The following COPB1 variants were observed in gnomAD, a reference collection of about 807,000 sequenced individuals.
COPB1 encodes the protein coat protein complex I subunit beta 1.
Under a neutral mutation model 108.7 loss-of-function variants are expected in COPB1, and 21 were observed. That is an observed-to-expected ratio of 0.19 (90% CI 0.14 to 0.28). The LOEUF (loss-of-function observed/expected upper bound fraction) is 0.28. Among genes scored for constraint, COPB1 ranks in the 10% least tolerant of loss-of-function variants. The pLI is 1.00. For missense variants in COPB1, 919 were observed against 1,141.3 expected (o/e 0.81, Z 2.81); for synonymous variants, 378 against 386.8 (o/e 0.98, Z 0.27).
intron 6 of COPB1, among the ~76,000 whole-genome samples, chr11:14,487,773 T>G (rs936671723): frequency 1.3e-5 from 2 of 152,202 alleles, no homozygotes; most frequent in Non-Finnish European, 2.9e-5. Flanking sequence ...TACCTTGTGT[T>G]AAGAGGAGCC....
At chr11:14,463,951 C>T (rs987537174) in intron 18 of COPB1, among the ~76,000 whole-genome samples, 2 of 152,148 alleles carry the variant, frequency 1.3e-5, no homozygotes, top group Admixed American at 1.3e-4. Context: ...AATCTTCCTG[C>T]CTCTTCCAAT....
At chr11:14,479,422 T>A (rs1850607837) in intron 11 of COPB1, 147 bp downstream of exon 11, 5 of 621,252 alleles carry the variant, frequency 8.0e-6, no homozygotes, top group Non-Finnish European at 1.3e-5. Flanking sequence ...TAAATGAGAG[T>A]GGAGTTAGCG....
intron 8 of COPB1, among the ~76,000 whole-genome samples, chr11:14,481,976 C>T (rs1850671209): frequency 6.6e-6 from 1 of 151,998 alleles, no homozygotes; most frequent in African/African-American, 2.4e-5. Context: ...TTAATGGAGA[C>T]AGGGAGGGTT....
chr11:14,480,395 A>G (rs945207851), intron 10 of COPB1, among the ~76,000 whole-genome samples: 1 of 152,214 alleles, frequency 6.6e-6, no homozygotes, highest in East Asian at 1.9e-4. Context: ...TATTCTACAT[A>G]TGTGAATTTT....
At chr11:14,499,472 G>A (rs901279713) in intron 1 of COPB1, 5 of 151,472 alleles carry the variant, frequency 3.3e-5, no homozygotes, top group African/African-American at 9.7e-5. Context: ...AGCAGCCCTA[G>A]GCCTGAAAGG....
rs1850967572 is a variant in COPB1, at chr11:14,494,089, C to T, written c.321+121G>A. 1.6e-5 allele frequency: 12 copies of T among 737,368 alleles called. No homozygotes were observed. The South Asian group carries it at 2.4e-4, about 15-fold the overall frequency. The allele number at this position is 737,368 out of a possible 1,614,324, so 45.7% of individuals were successfully genotyped here. A position where few individuals can be genotyped will look rare whatever the true frequency, so the allele number is the denominator to read the frequency against. ...TTTAAAAATAACTCTTTTACAATTCCAAATCTCTACAACTTACATCTTATC... is the reference window on the plus strand; with the variant it reads ...TTTAAAAATAACTCTTTTACAATTCTAAATCTCTACAACTTACATCTTATC... On this transcript the variant is annotated intron_variant, in intron 3 of 21. Coordinates refer to ENST00000439561, the MANE Select transcript of COPB1 (RefSeq NM_001144061.2).
Position 14,468,707 on chromosome 11 carries a change from C to G in COPB1, c.2119G>C (p.Asp707His), listed in dbSNP as rs770815031. Reference protein sequence around the residue: ...MGNTQRKEAADPLASKLNKVT... With the variant: ...MGNTQRKEAAHPLASKLNKVT... The stretch of plus-strand genomic sequence containing the variant: ...TTGTTAAGTTTAGATGCTAGGGGAT[C>G]TGCTGCCTCTTTCCTCTGTGTGTTA... The change falls in exon 16 of 22, where the codon GAT becomes CAT. Residue 707 changes from aspartate (D) to histidine (H), a missense_variant. Physicochemically the swap from Asp to His is moderately conservative, Grantham distance 81. Transcript: ENST00000439561. The G allele has an allele frequency of 6.2e-7, 1 of 1,614,068 alleles. No individual in the cohort carries two copies. Among genetic ancestry groups the G allele is most frequent in the South Asian group, 1.1e-5 (1 of 91,068 alleles).
chr11:14,490,256 T>C (rs1317364099), intron 5 of COPB1, among the ~76,000 whole-genome samples: 1 of 152,198 alleles, frequency 6.6e-6, no homozygotes, highest in Non-Finnish European at 1.5e-5. Flanking sequence ...TTTTCTCTAC[T>C]AAACAATTTT....
intron 11 of COPB1, among the ~76,000 whole-genome samples, chr11:14,477,450 C>T (rs1001586792): frequency 3.4e-5 from 5 of 147,122 alleles, no homozygotes; most frequent in African/African-American, 1.0e-4. Context: ...CTAGCACATT[C>T]GGAGGCTGAG....
intron 16 of COPB1, among the ~76,000 whole-genome samples, chr11:14,468,147 A>T (rs775210615): frequency 6.6e-6 from 1 of 152,168 alleles, no homozygotes; most frequent in Non-Finnish European, 1.5e-5. Context: ...AGTAATTCCA[A>T]TTCTGCTACT....
At chr11:14,490,778 A>C in intron 4 of COPB1, 99 bp from the exon 5 acceptor site, 1 of 678,034 alleles carries the variant, frequency 1.5e-6, no homozygotes, top group Non-Finnish European at 2.4e-6. Flanking sequence ...ATCAAACTTT[A>C]CAACATACTT....
intron 2 of COPB1, among the ~76,000 whole-genome samples, chr11:14,497,851 T>C (rs955809237): frequency 1.3e-5 from 2 of 152,204 alleles, no homozygotes; most frequent in Admixed American, 1.3e-4. Context: ...AATGGAGTAC[T>C]ATTCAGCCAT....
At chr11:14,491,647 C>T (rs898879887) in intron 4 of COPB1, among the ~76,000 whole-genome samples, 2 of 132,594 alleles carry the variant, frequency 1.5e-5, no homozygotes, top group Non-Finnish European at 3.1e-5. Flanking sequence ...CGAGCCTGGG[C>T]GACAAGAGTG....
chr11:14,473,485 C>T (rs1850452892), intron 14 of COPB1, among the ~76,000 whole-genome samples: 1 of 152,046 alleles, frequency 6.6e-6, no homozygotes, highest in Non-Finnish European at 1.5e-5. Flanking sequence ...ACTTAGAAGC[C>T]ACTGTAGGAT....
At chr11:14,468,010 C>T (rs547860995) in intron 16 of COPB1, among the ~76,000 whole-genome samples, 1 of 152,228 alleles carries the variant, frequency 6.6e-6, no homozygotes, top group East Asian at 1.9e-4. Flanking sequence ...CAGAACTGTA[C>T]ACTTACAAAT....
intron 3 of COPB1, 34 bp downstream of exon 3, chr11:14,494,176 A>G (rs907399155): frequency 7.0e-7 from 1 of 1,418,848 alleles, no homozygotes; most frequent in African/African-American, 1.4e-5. Flanking sequence ...TTAAATTCAA[A>G]GCAATATTCA....
At chr11:14,490,814 G>A (rs1850881372) in intron 4 of COPB1, 135 bp from the exon 5 acceptor site, 5 of 565,474 alleles carry the variant, frequency 8.8e-6, no homozygotes, top group Non-Finnish European at 1.5e-5. Flanking sequence ...TTTGGAGACA[G>A]AGTCTCACTC....
At chr11:14,494,142 C>T in intron 3 of COPB1, 68 bp downstream of exon 3, 1 of 1,070,172 alleles carries the variant, frequency 9.3e-7, no homozygotes. Flanking sequence ...AATTAAAACA[C>T]AGCCCATTCT....
chr11:14,490,739 C>T, intron 4 of COPB1, 60 bp from the exon 5 acceptor site: 12 of 868,896 alleles, frequency 1.4e-5, no homozygotes, highest in Non-Finnish European at 2.2e-5. Flanking sequence ...ATTTTAGTAA[C>T]TCTCTGGACA....
Sources: allele counts gnomAD v4.1 joint callset (sites outside exome capture counted in the v4.1 genomes callset), GRCh38; gene constraint gnomAD v4.1.1; transcripts MANE v1.5; gene names NCBI Gene and HGNC (gene_info 2026-07-23, HGNC 2026-07-21).